The following OC90 variants were observed in gnomAD, a reference collection of about 807,000 sequenced individuals.
OC90 encodes otoconin-90.
In OC90, 46 loss-of-function variants were observed where a neutral mutation model predicts 47.3. The ratio of observed to expected loss-of-function variants is 0.97; its 90% CI spans 0.77 to 1.24. The LOEUF (loss-of-function observed/expected upper bound fraction) is 1.24. OC90 is among the 50% of genes most tolerant of loss of function. The pLI, the probability that OC90 is intolerant of heterozygous loss-of-function variation, is 0.00. For missense variants in OC90, 688 were observed against 583.9 expected (o/e 1.18, Z -1.84); for synonymous variants, 271 against 219.5 (o/e 1.23, Z -2.07).
intron 12 of OC90, among the ~76,000 whole-genome samples, chr8:132,029,420 T>G (rs1822840068): frequency 6.6e-6 from 1 of 152,242 alleles, no homozygotes; most frequent in Non-Finnish European, 1.5e-5. Context: ...ATCTTATTAT[T>G]TAAAAACATT....
intron 13 of OC90, among the ~76,000 whole-genome samples, chr8:132,028,563 A>AAAGAAAGGAAGGAAGGAAGGAAGGAAGG (rs1354516292): frequency 2.5e-4 from 8 of 31,382 alleles, no homozygotes; most frequent in South Asian, 2.7e-3. Context: ...AGAAAGAAAG[A>AAAGAAAGGAAGGAAGGAAGGAAGGAAGG]AAGGAAGGAA....
intron 12 of OC90, among the ~76,000 whole-genome samples, chr8:132,031,496 C>T (rs1822873558): frequency 6.6e-6 from 1 of 152,132 alleles, no homozygotes; most frequent in Non-Finnish European, 1.5e-5. Context: ...AAGTGGAGAC[C>T]TCAATTCTAC....
chr8:132,054,788 C>T (rs1193173450), intron 2 of OC90, among the ~76,000 whole-genome samples, 193 bp downstream of exon 2: 1 of 151,640 alleles, frequency 6.6e-6, no homozygotes, highest in African/African-American at 2.4e-5. Context: ...TAGTTGCAAA[C>T]TAATAAAAGA....
At chr8:132,028,783 A>C (rs1030272972) in intron 13 of OC90, among the ~76,000 whole-genome samples, 1 of 138,334 alleles carries the variant, frequency 7.2e-6, no homozygotes, top group African/African-American at 2.7e-5. Context: ...AAAGAAAGAG[A>C]GGAAGAAAGA....
At position 132,041,550 on chromosome 8, in the gene OC90, C is replaced by CT. The variant is rs1563731877; in HGVS notation, c.318dup (p.Gly107ArgfsTer6). On this transcript the variant is annotated frameshift_variant, in exon 5 of 14. Transcript: ENST00000254627. LOFTEE classifies it high-confidence loss of function. ...CTGTCAGATTCATCCACAGGCAACCCTTCCATCTCAAACCTGCAGGTGCAA... is the reference window on the plus strand; with the variant it reads ...CTGTCAGATTCATCCACAGGCAACCCTTTCCATCTCAAACCTGCAGGTGCAA... The CT allele has an allele frequency of 6.2e-7, 1 of 1,612,780 alleles. No homozygotes were observed. The highest frequency in any genetic ancestry group is 1.7e-5 in the Admixed American group (1 of 59,848).
At chr8:132,037,987 C>T (rs1822994356) in intron 8 of OC90, among the ~76,000 whole-genome samples, 3 of 152,198 alleles carry the variant, frequency 2.0e-5, no homozygotes, top group African/African-American at 2.4e-5. Context: ...TGCACACATA[C>T]ACCTGCTTTC....
At chr8:132,047,457 CT>C (rs1823148936) in intron 2 of OC90, among the ~76,000 whole-genome samples, 1 of 152,208 alleles carries the variant, frequency 6.6e-6, no homozygotes, top group Non-Finnish European at 1.5e-5. Flanking sequence ...AGCCAACTCA[CT>C]TTTTTGTTGT....
intron 2 of OC90, among the ~76,000 whole-genome samples, chr8:132,047,561 G>C (rs1196337389): frequency 1.3e-5 from 2 of 151,976 alleles, no homozygotes; most frequent in African/African-American, 4.8e-5. Context: ...GCACATAATA[G>C]CATGATCCAA....
At chr8:132,028,045 G>A (rs1822784236) in intron 13 of OC90, among the ~76,000 whole-genome samples, 1 of 152,124 alleles carries the variant, frequency 6.6e-6, no homozygotes, top group African/African-American at 2.4e-5. Flanking sequence ...CTGTTTTGAG[G>A]ATTAATTCTG....
At chr8:132,046,295 C>G (rs949029504) in intron 2 of OC90, among the ~76,000 whole-genome samples, 1 of 152,044 alleles carries the variant, frequency 6.6e-6, no homozygotes, top group Admixed American at 6.5e-5. Context: ...TAAGGGTTTT[C>G]CCCAGATTAT....
intron 1 of OC90, among the ~76,000 whole-genome samples, chr8:132,056,436 A>C (rs1823280311): frequency 6.6e-6 from 1 of 152,184 alleles, no homozygotes. Context: ...GTGGCTGCAA[A>C]ATAAATGTTT....
chr8:132,029,591 A>G (rs565545244), intron 12 of OC90, among the ~76,000 whole-genome samples: 1 of 152,276 alleles, frequency 6.6e-6, no homozygotes, highest in African/African-American at 2.4e-5. Flanking sequence ...ACTCCCTCCA[A>G]TCTTTGACAC....
At chr8:132,041,456 C>T in intron 5 of OC90, 69 bp downstream of exon 5, 1 of 1,411,460 alleles carries the variant, frequency 7.1e-7, no homozygotes, top group Non-Finnish European at 9.7e-7. Flanking sequence ...TGTGCTCTTG[C>T]CAAGGTATCA....
At chr8:132,035,134 A>C (rs1033181613) in intron 9 of OC90, among the ~76,000 whole-genome samples, 1 of 152,232 alleles carries the variant, frequency 6.6e-6, no homozygotes, top group African/African-American at 2.4e-5. Context: ...TCGGAGAAAA[A>C]CTAAAAGAAA....
intron 8 of OC90, 42 bp downstream of exon 8, chr8:132,038,748 G>A (rs1290528368): frequency 6.4e-7 from 1 of 1,550,446 alleles, no homozygotes. Flanking sequence ...TCAGCATCTG[G>A]GCCCTTGTGG....
intron 13 of OC90, among the ~76,000 whole-genome samples, chr8:132,028,127 G>A (rs1054627498): frequency 6.6e-6 from 1 of 152,140 alleles, no homozygotes; most frequent in Non-Finnish European, 1.5e-5. Context: ...CTCGTCACCG[G>A]CCCTGTGACT....
At chr8:132,024,884 A>C (rs1359681749) in intron 13 of OC90, 108 bp from the exon 14 acceptor site, 2 of 914,654 alleles carry the variant, frequency 2.2e-6, no homozygotes, top group African/African-American at 3.3e-5. Flanking sequence ...CCCATCTTCC[A>C]CACACCTTCA....
intron 2 of OC90, chr8:132,049,781 G>A (rs779347910): frequency 2.0e-6 from 1 of 508,714 alleles, no homozygotes; most frequent in South Asian, 1.4e-5. Flanking sequence ...TTGAGCTCAA[G>A]CCAAACCACT....
In OC90 at chr8:132,029,104, T is replaced by C. The variant is rs933201221; in HGVS notation, c.1107A>G (p.Ser369=). 1 of 1,613,846 alleles carries C rather than the reference T, an allele frequency of 6.2e-7. No individual in the cohort carries two copies. The highest frequency in any genetic ancestry group is 1.3e-5 in the African/African-American group (1 of 75,028). ...GCGTATGATCCACACACACCACCGG[T>C]GACCAAGGAAGCCTCTCAAGCAGGC... ...LGCLLERLPW[S]PVVCVDHTPK... is the part of the protein sequence containing the mutation. Residue 369 remains serine, a synonymous_variant, in exon 13 of 14, where the codon TCA becomes TCG. Coordinates refer to ENST00000254627, the MANE Select transcript of OC90 (RefSeq NM_001080399.3).
Sources: allele counts gnomAD v4.1 joint callset (sites outside exome capture counted in the v4.1 genomes callset), GRCh38; gene constraint gnomAD v4.1.1; transcripts MANE v1.5; gene names NCBI Gene and HGNC (gene_info 2026-07-23, HGNC 2026-07-21).